COL18A1: variants seen among roughly 807,000 people sequenced by gnomAD.
The protein encoded by COL18A1 is collagen type XVIII alpha 1 chain, also known as collagen alpha-1(XVIII) chain.
COL18A1 carries 133 observed loss-of-function variants against 168.0 expected under a neutral mutation model. The observed-to-expected ratio is 0.79, with a 90% confidence interval of 0.69 to 0.91. The LOEUF (loss-of-function observed/expected upper bound fraction) is 0.91. COL18A1 is among the 40% of genes least tolerant of loss of function. The probability of loss-of-function intolerance (pLI) is 0.00; values close to 1 mark genes in which losing one functional copy is unlikely to be tolerated. For synonymous variants in COL18A1, 949 were observed against 809.0 expected, an observed-to-expected ratio of 1.17 and a Z score of -2.94; for missense variants, 2,126 against 1,925.4, an observed-to-expected ratio of 1.10 and a Z score of -1.95.
intron 15 of COL18A1, among the ~76,000 whole-genome samples, chr21:45,484,689 CCCA>C (rs1158730177): frequency 1.3e-5 from 2 of 151,364 alleles, no homozygotes; most frequent in East Asian, 2.0e-4. Context: ...TAGGTATGTG[CCCA>C]CGTTTTTCTA....
At position 45,504,571 on chromosome 21, in the gene COL18A1, G is replaced by T. The variant is rs547229026; in HGVS notation, c.2868+15G>T. On this transcript the variant is annotated intron_variant, in intron 34 of 41. Coordinates refer to ENST00000651438, the MANE Select transcript of COL18A1 (RefSeq NM_001379500.1). ...CTGGGATTCCAGTAAGTCCCAGCCTGTGCAGGCAGAGCCCATGTCCCAGGG... is the reference window on the plus strand; with the variant it reads ...CTGGGATTCCAGTAAGTCCCAGCCTTTGCAGGCAGAGCCCATGTCCCAGGG... 1 of 1,564,374 alleles carries T rather than the reference G, an allele frequency of 6.4e-7. No individual in the cohort carries two copies.
In COL18A1 at chr21:45,505,180, C is replaced by T. The variant is rs753905674; in HGVS notation, c.2915C>T (p.Pro972Leu). Residue 972 changes from proline to leucine, a missense_variant, in exon 35 of 42, where the codon CCT becomes CTT. Transcript: ENST00000651438. ...SIRGQPGPPG[P>L]QGPPGIGYEG... The stretch of plus-strand genomic sequence containing the variant: ...CGGGGCCAGCCCGGCCCACCTGGAC[C>T]TCAGGGACCCCCCGGCATCGGCTAC... 2 of 1,606,594 alleles carry T rather than the reference C, an allele frequency of 1.2e-6. No homozygotes were observed. The highest frequency in any genetic ancestry group is 1.1e-5 in the South Asian group (1 of 90,252).
chr21:45,494,541 T>C lies in COL18A1; in HGVS notation c.2353-4T>C. On this transcript the variant is annotated splice_region_variant and splice_polypyrimidine_tract_variant and intron_variant, in intron 26 of 41. Transcript: ENST00000651438. ...TAACCCTGTCTTCTTGTTTTTTTGC[T>C]CAGGGAGAGCCGGGCTTCCGAGGAC... The C allele has an allele frequency of 6.2e-7, 1 of 1,613,400 alleles. No homozygotes were observed. The highest frequency in any genetic ancestry group is 8.5e-7 in the Non-Finnish European group (1 of 1,179,988).
chr21:45,480,279 G>T, intron 11 of COL18A1, 123 bp downstream of exon 11: 2 of 1,188,972 alleles, frequency 1.7e-6, no homozygotes, highest in African/African-American at 3.0e-5. Context: ...GCTGAGCTGA[G>T]GGGTCACAGG....
chr21:45,429,951 C>T (rs901794288), intron 2 of COL18A1, among the ~76,000 whole-genome samples: 1 of 151,656 alleles, frequency 6.6e-6, no homozygotes, highest in Non-Finnish European at 1.5e-5. Context: ...GGGGACCCCC[C>T]GTCTCCCTAG....
intron 15 of COL18A1, among the ~76,000 whole-genome samples, chr21:45,483,463 A>AC (rs1036610588): frequency 8.0e-5 from 12 of 150,244 alleles, no homozygotes; most frequent in East Asian, 6.0e-4. Flanking sequence ...TTTATCTGAC[A>AC]CCCCCCCAAC....
At chr21:45,511,705 C>T (rs2146145462) in intron 41 of COL18A1, among the ~76,000 whole-genome samples, 1 of 152,284 alleles carries the variant, frequency 6.6e-6, no homozygotes, top group South Asian at 2.1e-4. Flanking sequence ...AACACTCATG[C>T]ATTTAGGGGT....
chr21:45,421,003 C>A, intron 2 of COL18A1: 1 of 175,850 alleles, frequency 5.7e-6, no homozygotes. Context: ...GGTGTGAGGA[C>A]AGTCTGTGCC....
chr21:45,442,793 CGGT>C (rs1386916225), intron 2 of COL18A1, among the ~76,000 whole-genome samples: 137 of 43,500 alleles, frequency 3.1e-3, no homozygotes, highest in Middle Eastern at 0.019. Flanking sequence ...CTGGTGTGGG[CGGT>C]GGTGGTGCTG....
chr21:45,477,645 G>T, intron 7 of COL18A1, 105 bp from the exon 8 acceptor site: 1 of 1,322,262 alleles, frequency 7.6e-7, no homozygotes, highest in Non-Finnish European at 1.0e-6. Flanking sequence ...CGTGTCCACT[G>T]TGGGAAGCAG....
At position 45,438,233 on chromosome 21, in the gene COL18A1, C is replaced by G. The variant is rs1243405961; in HGVS notation, c.107-30009C>G. 8.0e-4 allele frequency among the ~76,000 whole-genome samples: 99 copies of G among 123,370 alleles called. 1 individual carries two copies. Among genetic ancestry groups the G allele is most frequent in the Non-Finnish European group, 1.4e-3 (86 of 60,314 alleles). 80.9% of individuals were successfully genotyped at this position (123,370 alleles called of 152,430 possible). On this transcript the variant is annotated intron_variant, in intron 2 of 41. Transcript: ENST00000651438. ...ACACACACACTCACACACTCAGACA[C>G]ACAGGCACTCTCCTGCACACACACA...
intron 24 of COL18A1, 90 bp from the exon 25 acceptor site, chr21:45,493,073 C>CG: frequency 4.6e-6 from 6 of 1,318,356 alleles, no homozygotes; most frequent in East Asian, 2.5e-5. Flanking sequence ...AGGCATATTG[C>CG]GGGGGGCAGC....
intron 16 of COL18A1, 66 bp downstream of exon 16, chr21:45,487,058 C>T: frequency 7.1e-7 from 1 of 1,404,030 alleles, no homozygotes; most frequent in East Asian, 2.5e-5. Flanking sequence ...CCCTACTACC[C>T]CTGGCATCTC....
At chr21:45,470,266 T>C (rs1293683336) in intron 3 of COL18A1, among the ~76,000 whole-genome samples, 1 of 152,200 alleles carries the variant, frequency 6.6e-6, no homozygotes, top group African/African-American at 2.4e-5. Flanking sequence ...TCTGTTTGTA[T>C]TTCTTCCTTT....
chr21:45,428,343 G>A (rs912656765), intron 2 of COL18A1, among the ~76,000 whole-genome samples: 5 of 152,204 alleles, frequency 3.3e-5, no homozygotes, highest in African/African-American at 9.7e-5. Context: ...CCAGCCAGGC[G>A]TGGCCAAGGA....
intron 15 of COL18A1, 89 bp downstream of exon 15, chr21:45,482,910 C>A (rs1226815015): frequency 2.5e-6 from 4 of 1,592,542 alleles, no homozygotes; most frequent in Admixed American, 3.3e-5. Flanking sequence ...GCCCCACGGT[C>A]GAGAGAGTGA....
intron 2 of COL18A1, among the ~76,000 whole-genome samples, chr21:45,428,149 G>T (rs2033860034): frequency 6.6e-6 from 1 of 152,198 alleles, no homozygotes; most frequent in African/African-American, 2.4e-5. Context: ...TGCAGGTTGG[G>T]GTCCGGCGCT....
At chr21:45,440,140 C>A (rs2034330001) in intron 2 of COL18A1, among the ~76,000 whole-genome samples, 1 of 152,252 alleles carries the variant, frequency 6.6e-6, no homozygotes, top group South Asian at 2.1e-4. Context: ...GCAAGGGCTG[C>A]GGGGTCGGAA....
At chr21:45,422,663 T>G in intron 2 of COL18A1, 1 of 330,810 alleles carries the variant, frequency 3.0e-6, no homozygotes, top group Non-Finnish European at 6.1e-6. Context: ...CCCAGCACCC[T>G]GCCAAGGAAA....
Sources: gnomAD v4.1 joint callset for allele counts (sites outside exome capture counted in the v4.1 genomes callset) on GRCh38, gnomAD v4.1.1 for gene constraint, MANE v1.5 for transcripts, NCBI Gene and HGNC (gene_info 2026-07-23, HGNC 2026-07-21) for gene names.